Variants in DOP1B observed in about 807,000 individuals in gnomAD.
DOP1B encodes the protein protein DOP1B.
A neutral mutation model predicts 233.5 loss-of-function variants in DOP1B; 174 were observed. That is an observed-to-expected ratio of 0.75 (90% CI 0.66 to 0.85). DOP1B has a LOEUF of 0.85. Among genes scored for constraint, DOP1B ranks in the 40% least tolerant of loss-of-function variants. DOP1B has a pLI of 0.00. For missense variants in DOP1B, 2,652 were observed against 2,846.6 expected (o/e 0.93, Z 1.56); for synonymous variants, 1,190 against 1,185.6 (o/e 1.00, Z -0.08).
At chr21:36,243,354 T>C (rs932526412) in intron 18 of DOP1B, among the ~76,000 whole-genome samples, 1 of 151,696 alleles carries the variant, frequency 6.6e-6, no homozygotes, top group Non-Finnish European at 1.5e-5. Context: ...CACTAATTTT[T>C]TTTTCCTTTT....
chr21:36,216,756 C>T (rs1404401573), intron 9 of DOP1B, among the ~76,000 whole-genome samples: 2 of 152,042 alleles, frequency 1.3e-5, no homozygotes, highest in African/African-American at 4.8e-5. Context: ...GTACCTACCT[C>T]CTGGTAGCTG....
At chr21:36,237,681 A>AG (rs1410799610) in intron 16 of DOP1B, among the ~76,000 whole-genome samples, 1 of 152,214 alleles carries the variant, frequency 6.6e-6, no homozygotes, top group Admixed American at 6.5e-5. Context: ...AAGGACTTGC[A>AG]GGGCTTCTGC....
At chr21:36,262,942 A>G (rs904292355) in intron 24 of DOP1B, among the ~76,000 whole-genome samples, 1 of 149,596 alleles carries the variant, frequency 6.7e-6, no homozygotes, top group Non-Finnish European at 1.5e-5. Flanking sequence ...AATAAAATAA[A>G]ATAGAAGAAA....
chr21:36,167,698 C>T (rs904019337), intron 2 of DOP1B, among the ~76,000 whole-genome samples: 14 of 151,944 alleles, frequency 9.2e-5, no homozygotes, highest in Non-Finnish European at 1.5e-4. Flanking sequence ...TCAGCAGTTC[C>T]TCCCCATTCC....
chr21:36,184,743 C>A (rs911332870), intron 2 of DOP1B, among the ~76,000 whole-genome samples: 2 of 152,186 alleles, frequency 1.3e-5, no homozygotes, highest in Non-Finnish European at 2.9e-5. Context: ...CAGCAGGCAG[C>A]CCACGTGCGC....
rs368106815 is a variant in DOP1B at position 36,235,863 on chromosome 21, C to CGGG, written c.2623-1391_2623-1389dup. ...TTTGCCATAGTGACAGCAAGGAAGT[C>CGGG]GGGGGGGGGGCGGTCTACGTAGTCA... is the stretch of plus-strand genomic sequence containing the variant. On this transcript the variant is annotated intron_variant, in intron 15 of 36. Coordinates refer to ENST00000691173, the MANE Select transcript of DOP1B (RefSeq NM_001320714.2). 3.7e-3 allele frequency among the ~76,000 whole-genome samples: 419 copies of CGGG among 112,976 alleles called. 5 individuals are homozygous for CGGG. The highest frequency in any genetic ancestry group is 0.015 in the East Asian group (54 of 3,504). 74.1% of individuals were successfully genotyped at this position (112,976 alleles called of 152,430 possible). A position where few individuals can be genotyped will look rare whatever the true frequency, so the allele number is the denominator to read the frequency against.
chr21:36,285,212 AC>A (rs2067468247), intron 32 of DOP1B, among the ~76,000 whole-genome samples: 2 of 151,954 alleles, frequency 1.3e-5, no homozygotes, highest in Admixed American at 1.3e-4. Context: ...GGCACCCACC[AC>A]CATGCCTGGC....
At chr21:36,271,373 A>G (rs1031475389) in intron 27 of DOP1B, among the ~76,000 whole-genome samples, 2 of 151,658 alleles carry the variant, frequency 1.3e-5, no homozygotes, top group South Asian at 4.2e-4. Context: ...TCCCTGGTTC[A>G]AGCCATTCTC....
intron 2 of DOP1B, chr21:36,169,418 C>A: frequency 1.0e-6 from 1 of 964,924 alleles, no homozygotes; most frequent in South Asian, 1.3e-5. Context: ...ATGCCATGCC[C>A]CAATCCAGGC....
chr21:36,185,273 C>T (rs2066151108), intron 2 of DOP1B, among the ~76,000 whole-genome samples: 1 of 152,172 alleles, frequency 6.6e-6, no homozygotes, highest in Non-Finnish European at 1.5e-5. Flanking sequence ...GCATCATGTA[C>T]ATTTCAAGGT....
intron 30 of DOP1B, among the ~76,000 whole-genome samples, chr21:36,279,393 G>A (rs1009642087): frequency 1.3e-5 from 2 of 152,204 alleles, no homozygotes; most frequent in African/African-American, 4.8e-5. Flanking sequence ...ACTCCAGCCT[G>A]GGTGACAGCA....
intron 2 of DOP1B, among the ~76,000 whole-genome samples, chr21:36,167,264 C>G (rs2065920925): frequency 6.6e-6 from 1 of 152,112 alleles, no homozygotes; most frequent in Non-Finnish European, 1.5e-5. Context: ...CCTGAGCCTC[C>G]CAGGTTCAAG....
At chr21:36,163,608 A>G (rs1283599427) in intron 1 of DOP1B, among the ~76,000 whole-genome samples, 1 of 152,214 alleles carries the variant, frequency 6.6e-6, no homozygotes, top group Non-Finnish European at 1.5e-5. Flanking sequence ...ACGTTTAACT[A>G]TATAGCATTG....
At chr21:36,247,876 A>G (rs765966939) in intron 20 of DOP1B, among the ~76,000 whole-genome samples, 14 of 152,286 alleles carry the variant, frequency 9.2e-5, no homozygotes, top group Admixed American at 2.0e-4. Flanking sequence ...ACGCAAATGC[A>G]TAAGTATGTA....
chr21:36,266,322 G>A (rs1396654536), intron 26 of DOP1B, among the ~76,000 whole-genome samples: 2 of 152,000 alleles, frequency 1.3e-5, no homozygotes, highest in Non-Finnish European at 2.9e-5. Flanking sequence ...GATTACAGGT[G>A]CCCGCCACAA....
At position 36,230,641 on chromosome 21, in the gene DOP1B, G is replaced by A. The variant is rs1040038534; in HGVS notation, c.1857G>A (p.Lys619=). 9 of 1,614,078 alleles carry A rather than the reference G, an allele frequency of 5.6e-6. No individual in the cohort carries two copies. The highest frequency in any genetic ancestry group is 6.8e-6 in the Non-Finnish European group (8 of 1,180,042). ...VSLERDDVWK[K]GGSMQRTFLC... ...TGGAAAGGGACGACGTTTGGAAGAA[G>A]GGCGGGAGCATGCAGAGGACGTTTC... Residue 619 remains lysine (K), a synonymous_variant, in exon 14 of 37, where the codon AAG becomes AAA. Transcript: ENST00000691173.
intron 1 of DOP1B, among the ~76,000 whole-genome samples, chr21:36,157,970 TA>T (rs2065834714): frequency 6.6e-6 from 1 of 151,994 alleles, no homozygotes; most frequent in African/African-American, 2.4e-5. Flanking sequence ...TTATTATTAT[TA>T]TTATTATTTT....
At chr21:36,260,628 G>C in intron 23 of DOP1B, 49 bp from the exon 24 acceptor site, 1 of 1,610,472 alleles carries the variant, frequency 6.2e-7, no homozygotes, top group African/African-American at 1.3e-5. Context: ...AATTCTTTTA[G>C]CCTTATTTCC....
chr21:36,261,014 T>G, intron 24 of DOP1B: 1 of 1,160,812 alleles, frequency 8.6e-7, no homozygotes, highest in Non-Finnish European at 1.1e-6. Context: ...TGCATTAAAT[T>G]GATACAGAAA....
Sources: allele counts gnomAD v4.1 joint callset (sites outside exome capture counted in the v4.1 genomes callset), GRCh38; gene constraint gnomAD v4.1.1; transcripts MANE v1.5; gene names NCBI Gene and HGNC (gene_info 2026-07-23, HGNC 2026-07-21).